Variants in NEDD4 observed in about 807,000 individuals in gnomAD.
NEDD4 encodes the protein E3 ubiquitin-protein ligase NEDD4.
Under a neutral mutation model 144.9 loss-of-function variants are expected in NEDD4, and 99 were observed. That is an observed-to-expected ratio of 0.68 (90% CI 0.58 to 0.81). The LOEUF (loss-of-function observed/expected upper bound fraction) is 0.81. NEDD4 is among the 30% of genes least tolerant of loss of function. The pLI, the probability that NEDD4 is intolerant of heterozygous loss-of-function variation, is 0.00. For synonymous variants in NEDD4, 318 were observed against 350.6 expected, an observed-to-expected ratio of 0.91 and a Z score of 1.04; for missense variants, 985 against 1,065.9, an observed-to-expected ratio of 0.92 and a Z score of 1.06.
At chr15:55,838,660 C>A in intron 21 of NEDD4, 56 bp from the exon 22 acceptor site, 1 of 1,174,038 alleles carries the variant, frequency 8.5e-7, no homozygotes, top group South Asian at 1.3e-5. Context: ...CCTGAAATTG[C>A]AAAAAACAGT....
At chr15:55,967,245 C>CTGT (rs528886826) in intron 1 of NEDD4, among the ~76,000 whole-genome samples, 9 of 152,028 alleles carry the variant, frequency 5.9e-5, no homozygotes, top group Non-Finnish European at 1.0e-4. Flanking sequence ...ATTCAACAGA[C>CTGT]AACAGAGTAT....
chr15:55,880,034 A>G (rs774941927), intron 5 of NEDD4, among the ~76,000 whole-genome samples: 47 of 152,106 alleles, frequency 3.1e-4, no homozygotes, highest in African/African-American at 1.0e-3. Flanking sequence ...TCATGCCTGT[A>G]ATCAATCCCA....
chr15:55,868,245 C>T (rs2034652650), intron 8 of NEDD4, among the ~76,000 whole-genome samples: 1 of 152,116 alleles, frequency 6.6e-6, no homozygotes, highest in Non-Finnish European at 1.5e-5. Flanking sequence ...CCCTCAGCTT[C>T]ACTGTTCTTA....
At chr15:55,913,162 A>G (rs1483084685) in intron 5 of NEDD4, among the ~76,000 whole-genome samples, 6 of 152,106 alleles carry the variant, frequency 3.9e-5, no homozygotes, top group South Asian at 4.1e-4. Flanking sequence ...GCTGCTCAGT[A>G]CAGATAGCTG....
intron 5 of NEDD4, among the ~76,000 whole-genome samples, chr15:55,907,991 C>A (rs1276185682): frequency 6.6e-6 from 1 of 152,132 alleles, no homozygotes; most frequent in Non-Finnish European, 1.5e-5. Flanking sequence ...ACCCCAGGGA[C>A]AAGGTATTCA....
At chr15:55,953,808 C>T (rs1208936208) in intron 2 of NEDD4, among the ~76,000 whole-genome samples, 1 of 152,196 alleles carries the variant, frequency 6.6e-6, no homozygotes, top group Non-Finnish European at 1.5e-5. Flanking sequence ...GCAACCTCCT[C>T]CTCCTGGGTT....
chr15:55,856,229 T>C, intron 11 of NEDD4, 33 bp from the exon 12 acceptor site: 1 of 1,592,502 alleles, frequency 6.3e-7, no homozygotes, highest in East Asian at 2.2e-5. Flanking sequence ...GAAGAATACC[T>C]TGATATTTGT....
At chr15:55,959,319 A>G (rs186925512) in intron 2 of NEDD4, among the ~76,000 whole-genome samples, 70 of 152,296 alleles carry the variant, frequency 4.6e-4, no homozygotes, top group African/African-American at 1.6e-3. Context: ...CTAGATCTTA[A>G]TATTATTGGT....
chr15:55,957,937 G>C (rs1261330298), intron 2 of NEDD4, among the ~76,000 whole-genome samples: 1 of 152,138 alleles, frequency 6.6e-6, no homozygotes, highest in African/African-American at 2.4e-5. Context: ...CCTGGACACA[G>C]GGTGGGGAAC....
At chr15:55,914,441 A>G (rs2036370540) in intron 5 of NEDD4, among the ~76,000 whole-genome samples, 1 of 151,978 alleles carries the variant, frequency 6.6e-6, no homozygotes, top group South Asian at 2.1e-4. Flanking sequence ...TTTGGCTAAG[A>G]TTCATAAGAG....
intron 2 of NEDD4, among the ~76,000 whole-genome samples, chr15:55,963,769 A>G (rs2037464393): frequency 6.6e-6 from 1 of 152,072 alleles, no homozygotes; most frequent in Non-Finnish European, 1.5e-5. Context: ...TCTGGTTTCA[A>G]TTTTCTTCAG....
At chr15:55,957,734 A>G (rs1180071773) in intron 2 of NEDD4, among the ~76,000 whole-genome samples, 1 of 152,234 alleles carries the variant, frequency 6.6e-6, no homozygotes, top group African/African-American at 2.4e-5. Flanking sequence ...AATGTCCATC[A>G]ATGATAGACT....
intron 5 of NEDD4, among the ~76,000 whole-genome samples, chr15:55,893,368 A>G (rs891924891): frequency 6.6e-6 from 1 of 152,044 alleles, no homozygotes; most frequent in Non-Finnish European, 1.5e-5. Context: ...CAGCCATAAA[A>G]ATGTTCAAGC....
In NEDD4 at chr15:55,993,500, G is replaced by C. The variant is rs369474221; in HGVS notation, c.45+11C>G. 6.3e-6 allele frequency: 10 copies of C among 1,594,738 alleles called. No individual in the cohort carries two copies. The African/African-American group carries it at 9.6e-5, about 15-fold the overall frequency. On this transcript the variant is annotated intron_variant, in intron 1 of 28. Transcript: ENST00000435532. ...AGGGAAGCCCGCCCCGCAGCCCCGC[G>C]GTCCCCGCACCTCGTCCTCCAGGAG...
intron 5 of NEDD4, among the ~76,000 whole-genome samples, chr15:55,912,963 C>G (rs1365866735): frequency 1.3e-5 from 2 of 151,982 alleles, no homozygotes; most frequent in African/African-American, 4.8e-5. Context: ...CAGACAGTGT[C>G]CCAGATACAG....
rs535735668 is a variant in NEDD4 at position 55,863,638 on chromosome 15, G to A, written c.508-559C>T. Among the ~76,000 whole-genome samples the A allele has an allele frequency of 6.6e-5, 10 of 152,142 alleles. No homozygotes were observed. In the South Asian group the frequency reaches 1.0e-3, roughly 16 times the overall value. On this transcript the variant is annotated intron_variant, in intron 8 of 28. Transcript: ENST00000435532. ...AAAAATCGTTTAAATAAACAACCAC[G>A]GAAAGTTGGAAAGTACTGAGAAATT...
chr15:55,938,316 G>A (rs1181999241), intron 4 of NEDD4, among the ~76,000 whole-genome samples: 1 of 152,080 alleles, frequency 6.6e-6, no homozygotes, highest in Admixed American at 6.6e-5. Context: ...CCGAGATCGT[G>A]CCACTGCATT....
intron 5 of NEDD4, chr15:55,916,691 A>C (rs1303376865): frequency 6.2e-7 from 1 of 1,614,048 alleles, no homozygotes; most frequent in Non-Finnish European, 8.5e-7. Flanking sequence ...GCTTCATTTG[A>C]ACAACGTTAG....
intron 18 of NEDD4, among the ~76,000 whole-genome samples, chr15:55,846,372 C>G (rs1566906216): frequency 6.6e-6 from 1 of 152,050 alleles, no homozygotes; most frequent in South Asian, 2.1e-4. Context: ...AACTAGTAAA[C>G]AAAACCAGGA....
Sources: allele counts gnomAD v4.1 joint callset (sites outside exome capture counted in the v4.1 genomes callset), GRCh38; gene constraint gnomAD v4.1.1; transcripts MANE v1.5; gene names NCBI Gene and HGNC (gene_info 2026-07-23, HGNC 2026-07-21).